SLC35B3: variants seen among roughly 807,000 people sequenced by gnomAD.
SLC35B3 encodes the protein adenosine 3'-phospho 5'-phosphosulfate transporter 2.
A neutral mutation model predicts 44.1 loss-of-function variants in SLC35B3; 35 were observed. That is an observed-to-expected ratio of 0.79 (90% confidence interval 0.61 to 1.05). The LOEUF is 1.05. Among genes scored for constraint, SLC35B3 ranks in the 50% least tolerant of loss-of-function variants. SLC35B3 has a pLI of 0.00. For missense variants in SLC35B3, 414 were observed against 476.4 expected (o/e 0.87, Z 1.22); for synonymous variants, 146 against 167.3 (o/e 0.87, Z 0.98).
At position 8,431,925 on chromosome 6, in the gene SLC35B3, G is replaced by A. The variant is rs1438734850; in HGVS notation, c.4-1768C>T. On this transcript the variant is annotated intron_variant, in intron 2 of 10. Coordinates refer to ENST00000644923, the MANE Select transcript of SLC35B3 (RefSeq NM_001370476.2). ...CATGTTTCATTCCTGAAATACACCA[G>A]GGACTTTAAAACACCGCTGCCTTCT... is the stretch of plus-strand genomic sequence containing the variant. 2.6e-5 allele frequency among the ~76,000 whole-genome samples: 4 copies of A among 152,118 alleles called. No homozygotes were observed. In the East Asian group the frequency reaches 7.8e-4, roughly 30 times the overall value.
Position 8,419,151 on chromosome 6 carries a change from A to T in SLC35B3, c.780+429T>A, listed in dbSNP as rs936313598. On this transcript the variant is annotated intron_variant, in intron 7 of 10. Transcript: ENST00000644923. This position sits in a 1 kb window ranked among gnomAD's most constrained non-coding sequence, Gnocchi z 4.3. Reference sequence around the variant, plus strand: ...GATCAAGGGCTTAATAAAAAAGGAAATCACAAAACTAGTAGGCAACAGGGA... The same window carrying T: ...GATCAAGGGCTTAATAAAAAAGGAATTCACAAAACTAGTAGGCAACAGGGA... Among the ~76,000 whole-genome samples, 1 of 152,110 alleles carries T rather than the reference A, an allele frequency of 6.6e-6. No individual in the cohort carries two copies. The highest frequency in any genetic ancestry group is 2.4e-5 in the African/African-American group (1 of 41,460).
chr6:8,421,343 T>G (rs574373732), intron 5 of SLC35B3, among the ~76,000 whole-genome samples: 1 of 152,334 alleles, frequency 6.6e-6, no homozygotes, highest in South Asian at 2.1e-4. Flanking sequence ...ATGACTTTTT[T>G]GTAAGGTTTA....
chr6:8,418,279 C>T (rs538280667), intron 7 of SLC35B3, among the ~76,000 whole-genome samples: 1 of 152,048 alleles, frequency 6.6e-6, no homozygotes, highest in Non-Finnish European at 1.5e-5. Flanking sequence ...TCTCTGTGCC[C>T]ATCCTTACCT....
At chr6:8,428,088 T>C (rs1372690235) in intron 3 of SLC35B3, 30 bp from the exon 3 acceptor site, 3 of 1,447,294 alleles carry the variant, frequency 2.1e-6, no homozygotes, top group East Asian at 2.5e-5. Context: ...CACTGTTAAG[T>C]CCAAGGCAGC....
chr6:8,415,712 C>T (rs562676742), intron 9 of SLC35B3, among the ~76,000 whole-genome samples: 4 of 152,266 alleles, frequency 2.6e-5, no homozygotes, highest in South Asian at 2.1e-4. Flanking sequence ...GTTCTGGAAA[C>T]GTGCCAGAGT....
chr6:8,418,154 TC>T (rs1176779163), intron 7 of SLC35B3, among the ~76,000 whole-genome samples: 1 of 152,126 alleles, frequency 6.6e-6, no homozygotes, highest in African/African-American at 2.4e-5. Flanking sequence ...TAAGTAATTT[TC>T]CCCAAATGAG....
At position 8,419,695 on chromosome 6, in the gene SLC35B3, A is replaced by G. The variant is rs1762722487; in HGVS notation, c.683-18T>C. 7.4e-7 allele frequency: 1 copy of G among 1,346,610 alleles called. No individual in the cohort carries two copies. The highest frequency in any genetic ancestry group is 2.4e-5 in the Admixed American group (1 of 41,842). 83.4% of individuals were successfully genotyped at this position (1,346,610 alleles called of 1,614,324 possible). A position where few individuals can be genotyped will look rare whatever the true frequency, so the allele number is the denominator to read the frequency against. On this transcript the variant is annotated intron_variant, in intron 6 of 10. Coordinates refer to ENST00000644923, the MANE Select transcript of SLC35B3 (RefSeq NM_001370476.2). The surrounding 1 kb of genome is among the most constrained non-coding windows in gnomAD (Gnocchi z 4.3). Reference sequence around the variant, plus strand: ...CACCACACCTTCAAGAAGGTATTAAAAAAACAAACAAAAAAACCCTCCTTA... The same window carrying G: ...CACCACACCTTCAAGAAGGTATTAAGAAAACAAACAAAAAAACCCTCCTTA...
chr6:8,434,049 T>TATATA lies in SLC35B3; in HGVS notation c.3+335_3+336insTATAT, dbSNP rs1554122963. On this transcript the variant is annotated intron_variant, in intron 2 of 10. Coordinates refer to ENST00000644923, the MANE Select transcript of SLC35B3 (RefSeq NM_001370476.2). The surrounding 1 kb of genome is among the most constrained non-coding windows in gnomAD (Gnocchi z 6.3). ...TGAAACTAAAATATATATATATATATTTTAAAAATCACAGGTGTGTATAAT... is the reference window on the plus strand; with the variant it reads ...TGAAACTAAAATATATATATATATATATATATTTAAAAATCACAGGTGTGTATAAT... Among the ~76,000 whole-genome samples the TATATA allele has an allele frequency of 0.18, 26,488 of 150,028 alleles. 2,344 individuals carry two copies. Among genetic ancestry groups the TATATA allele is most frequent in the Middle Eastern group, 0.24 (69 of 290 alleles).
At chr6:8,422,092 C>T (rs1003155055) in intron 5 of SLC35B3, among the ~76,000 whole-genome samples, 2 of 152,166 alleles carry the variant, frequency 1.3e-5, no homozygotes. Context: ...GCAACCTCTG[C>T]CTCCTGGGTT....
Position 8,435,006 on chromosome 6 carries a change from G to A in SLC35B3, c.-44+337C>T. ...CAGTTAACTGTAAATACAGTCTAGA[G>A]GTATCCAGGTGACTGACAGTTCTCC... On this transcript the variant is annotated intron_variant, in intron 1 of 10. Coordinates refer to ENST00000644923, the MANE Select transcript of SLC35B3 (RefSeq NM_001370476.2). This position sits in a 1 kb window ranked among gnomAD's most constrained non-coding sequence, Gnocchi z 5.5. 9 of 932,396 alleles carry A rather than the reference G, an allele frequency of 9.7e-6. No individual in the cohort carries two copies. The highest frequency in any genetic ancestry group is 1.1e-5 in the Non-Finnish European group (8 of 707,318). 57.8% of individuals were successfully genotyped at this position (932,396 alleles called of 1,614,324 possible).
intron 9 of SLC35B3, among the ~76,000 whole-genome samples, chr6:8,415,755 A>G (rs1220765227): frequency 1.3e-5 from 2 of 152,156 alleles, no homozygotes; most frequent in African/African-American, 4.8e-5. Context: ...TTCTTTCTAT[A>G]GTAAAAGGAC....
Position 8,422,537 on chromosome 6 carries a change from G to T in SLC35B3, c.507C>A (p.Tyr169Ter), listed in dbSNP as rs1490196666. 6.2e-7 allele frequency: 1 copy of T among 1,613,166 alleles called. No individual in the cohort carries two copies. Among genetic ancestry groups the T allele is most frequent in the Non-Finnish European group, 8.5e-7 (1 of 1,179,364 alleles). ...AGCACTTGAAGATGACTTGGGTAGG[G>T]TAATTCAGGTAGCCCAAGGAAGTGT... is the stretch of plus-strand genomic sequence containing the variant. The change falls in exon 5 of 11, where the codon TAC becomes TAA. Residue 169 changes from tyrosine (Y) to a stop codon, truncating the protein, a stop_gained. Coordinates refer to ENST00000644923, the MANE Select transcript of SLC35B3 (RefSeq NM_001370476.2). LOFTEE classifies it high-confidence loss of function.
At position 8,419,881 on chromosome 6, in the gene SLC35B3, AAACT is replaced by A. The variant is rs1376281583; in HGVS notation, c.683-208_683-205del. Among the ~76,000 whole-genome samples the A allele has an allele frequency of 1.3e-5, 2 of 152,134 alleles. No homozygotes were observed. Among genetic ancestry groups the A allele is most frequent in the African/African-American group, 2.4e-5 (1 of 41,470 alleles). Reference sequence around the variant, plus strand: ...ATGATATTAAAAAAGATATACTAATAAACTGAGTTAGTTCTGTACATATCACATT... The same window carrying A: ...ATGATATTAAAAAAGATATACTAATAGAGTTAGTTCTGTACATATCACATT... On this transcript the variant is annotated intron_variant, in intron 6 of 10. Coordinates refer to ENST00000644923, the MANE Select transcript of SLC35B3 (RefSeq NM_001370476.2). This position sits in a 1 kb window ranked among gnomAD's most constrained non-coding sequence, Gnocchi z 4.3.
Position 8,420,977 on chromosome 6 carries a change from A to G in SLC35B3, c.575-149T>C, listed in dbSNP as rs1362687697. 2 of 511,708 alleles carry G rather than the reference A, an allele frequency of 3.9e-6. No individual in the cohort carries two copies. Among genetic ancestry groups the G allele is most frequent in the Non-Finnish European group, 7.0e-6 (2 of 286,482 alleles). The allele number at this position is 511,708 out of a possible 1,614,324, so 31.7% of individuals were successfully genotyped here. ...TAGGTCAAGGCAGAAGACAGTCACAAGAGGGCTTCTGAAAACTACCAATGG... is the reference window on the plus strand; with the variant it reads ...TAGGTCAAGGCAGAAGACAGTCACAGGAGGGCTTCTGAAAACTACCAATGG... On this transcript the variant is annotated intron_variant, in intron 5 of 10. Transcript: ENST00000644923. The surrounding 1 kb of genome is among the most constrained non-coding windows in gnomAD (Gnocchi z 4.4).
At chr6:8,424,869 A>T (rs1213448148) in intron 4 of SLC35B3, among the ~76,000 whole-genome samples, 3 of 152,190 alleles carry the variant, frequency 2.0e-5, no homozygotes, top group African/African-American at 4.8e-5. Context: ...TACTTATTCC[A>T]GTATGTCGGT....
At position 8,419,262 on chromosome 6, in the gene SLC35B3, C is replaced by T. The variant is rs1416441240; in HGVS notation, c.780+318G>A. Among the ~76,000 whole-genome samples, 1 of 151,628 alleles carries T rather than the reference C, an allele frequency of 6.6e-6. No homozygotes were observed. Among genetic ancestry groups the T allele is most frequent in the African/African-American group, 2.4e-5 (1 of 41,292 alleles). ...GCCAGCAAGGAAAAGACAAATTGGG[C>T]CATATAAAAATTACAAACTTCTACA... On this transcript the variant is annotated intron_variant, in intron 7 of 10. Transcript: ENST00000644923. This position sits in a 1 kb window ranked among gnomAD's most constrained non-coding sequence, Gnocchi z 4.3.
Position 8,413,549 on chromosome 6 carries a change from C to A in SLC35B3, c.1206G>T (p.Ter402TyrextTer11), listed in dbSNP as rs1762142311. Residue 402 changes from the stop codon to tyrosine (Y), a stop_lost, in exon 11 of 11, where the codon TAG becomes TAT. Transcript: ENST00000644923. ...CTATTTTAAATAGGACAATCACTGT[C>A]TATACAGTCTGTGCCAGCGTCCTTG... is the stretch of plus-strand genomic sequence containing the variant. 1 of 1,606,356 alleles carries A rather than the reference C, an allele frequency of 6.2e-7. No homozygotes were observed. The highest frequency in any genetic ancestry group is 1.7e-5 in the Admixed American group (1 of 59,040).
At chr6:8,428,538 A>G (rs908292476) in intron 3 of SLC35B3, among the ~76,000 whole-genome samples, 1 of 152,174 alleles carries the variant, frequency 6.6e-6, no homozygotes, top group Admixed American at 6.5e-5. Context: ...AATAGTAGCA[A>G]TGTCAGTTTT....
Position 8,416,921 on chromosome 6 carries a change from A to C in SLC35B3, c.948T>G (p.Ala316=). The C allele has an allele frequency of 1.2e-6, 2 of 1,605,040 alleles. No individual in the cohort carries two copies. Among genetic ancestry groups the C allele is most frequent in the Non-Finnish European group, 1.7e-6 (2 of 1,175,624 alleles). ...TAAGTGCACCAAAAATTTTAATCAA[A>C]GCCAGAACAAAGGAGATTCCAAAAT... Residue 316 remains alanine (A), a synonymous_variant, in exon 9 of 11, where the codon GCT becomes GCG. Transcript: ENST00000644923.
Sources: allele counts gnomAD v4.1 joint callset (sites outside exome capture counted in the v4.1 genomes callset), GRCh38; gene constraint gnomAD v4.1.1; non-coding constraint Gnocchi (gnomAD v3.1); transcripts MANE v1.5; gene names NCBI Gene and HGNC (gene_info 2026-07-23, HGNC 2026-07-21).